Variants in ZNF333 observed in about 807,000 individuals in gnomAD.
The protein encoded by ZNF333 is zinc finger protein 333.
Under a neutral mutation model 76.1 loss-of-function variants are expected in ZNF333, and 61 were observed. The ratio of observed to expected loss-of-function variants is 0.80; its 90% CI spans 0.65 to 0.99. The LOEUF (loss-of-function observed/expected upper bound fraction) is 0.99. Ranked by LOEUF, ZNF333 falls within the 50% of genes least tolerant of loss-of-function variation. The pLI is 0.00. For missense variants in ZNF333, 717 were observed against 822.4 expected (o/e 0.87, Z 1.57); for synonymous variants, 284 against 305.0 (o/e 0.93, Z 0.72).
chr19:14,695,461 GA>G, intron 3 of ZNF333, 104 bp from the exon 4 acceptor site: 1 of 1,110,064 alleles, frequency 9.0e-7, no homozygotes, highest in Non-Finnish European at 1.3e-6. Flanking sequence ...CAGAGAATCT[GA>G]AGCCCATATT....
intron 4 of ZNF333, among the ~76,000 whole-genome samples, chr19:14,697,485 T>C (rs1973302664): frequency 6.6e-6 from 1 of 151,450 alleles, no homozygotes; most frequent in Admixed American, 6.6e-5. Flanking sequence ...CCTCAGTCTC[T>C]TGAATAGCTG....
rs1292391383 is a variant in ZNF333 at position 14,708,375 on chromosome 19, A to G, written c.511+1602A>G. ...CCGATGGTGAGATGGGGACCAGGAA[A>G]CAGTCACAAAGAAAACACCGACCCC... On this transcript the variant is annotated intron_variant, in intron 7 of 11. Transcript: ENST00000292530. 4 of 401,126 alleles carry G rather than the reference A, an allele frequency of 1.0e-5. No homozygotes were observed. In the East Asian group the frequency reaches 1.1e-4, roughly 11 times the overall value. 24.8% of individuals were successfully genotyped at this position (401,126 alleles called of 1,614,324 possible).
At chr19:14,726,935 T>C (rs1197095419) in intron 11 of ZNF333, among the ~76,000 whole-genome samples, 1 of 152,136 alleles carries the variant, frequency 6.6e-6, no homozygotes, top group Non-Finnish European at 1.5e-5. Flanking sequence ...TAAAGCTGCT[T>C]TCACATTTTC....
intron 8 of ZNF333, among the ~76,000 whole-genome samples, chr19:14,715,675 G>A (rs1381838284): frequency 6.6e-6 from 1 of 152,170 alleles, no homozygotes; most frequent in Non-Finnish European, 1.5e-5. Context: ...TGAGCACCAG[G>A]AGGGAAAACA....
In ZNF333 at chr19:14,719,317, G is replaced by A. The variant is rs1323104458; in HGVS notation, c.1990G>A (p.Ala664Thr). 1.3e-6 allele frequency: 2 copies of A among 1,596,472 alleles called. No individual in the cohort carries two copies. Among genetic ancestry groups the A allele is most frequent in the East Asian group, 2.2e-5 (1 of 44,722 alleles). The part of the protein sequence containing the change: ...SMSHPYCGPL[A>T]N ...GTCTCATCCATACTGTGGGCCCCTT[G>A]CTAATTAACTTCCATTTTGTAAAAA... The change falls in exon 12 of 12, where the codon GCT becomes ACT. Residue 664 changes from alanine (A) to threonine (T), a missense_variant. By Grantham distance (58) the Ala-to-Thr change is moderately conservative. Coordinates refer to ENST00000292530, the MANE Select transcript of ZNF333 (RefSeq NM_032433.4).
chr19:14,717,448 C>G (rs2042466668), intron 10 of ZNF333: 1 of 564,608 alleles, frequency 1.8e-6, no homozygotes, highest in Non-Finnish European at 3.1e-6. Context: ...TCCCATGTTC[C>G]TCTGATTACA....
intron 6 of ZNF333, among the ~76,000 whole-genome samples, chr19:14,705,829 G>C (rs1205164256): frequency 6.6e-6 from 1 of 152,148 alleles, no homozygotes; most frequent in African/African-American, 2.4e-5. Flanking sequence ...TGATAATTGA[G>C]GTGGAACAGT....
downstream of ZNF333, among the ~76,000 whole-genome samples, chr19:14,724,492 G>A (rs964460799): frequency 2.6e-5 from 4 of 152,296 alleles, no homozygotes; most frequent in East Asian, 1.9e-4. Flanking sequence ...TAAGCCGGGC[G>A]CAGTGGCTCA....
chr19:14,716,371 AC>A, intron 9 of ZNF333, 133 bp downstream of exon 9: 1 of 1,036,876 alleles, frequency 9.6e-7, no homozygotes, highest in Non-Finnish European at 1.4e-6. Context: ...TGATCCTCCC[AC>A]CCCAGCCTCC....
rs1216925820 is a variant in ZNF333 at position 14,721,216 on chromosome 19, T to C, written c.*1891T>C. ...GGCTATCAAAGTCATCTGGGTGGCA[T>C]GTGACAGGCCTGACTCTCTCTACAG... On this transcript the variant is annotated 3_prime_UTR_variant, in exon 12 of 12. Coordinates refer to ENST00000292530, the MANE Select transcript of ZNF333 (RefSeq NM_032433.4). 1 of 153,860 alleles carries C rather than the reference T, an allele frequency of 6.5e-6. No homozygotes were observed. Among genetic ancestry groups the C allele is most frequent in the African/African-American group, 2.4e-5 (1 of 41,158 alleles). 9.5% of individuals were successfully genotyped at this position (153,860 alleles called of 1,614,324 possible). A position where few individuals can be genotyped will look rare whatever the true frequency, so the allele number is the denominator to read the frequency against.
chr19:14,701,233 T>C (rs1256553743), intron 5 of ZNF333, among the ~76,000 whole-genome samples: 68 of 152,154 alleles, frequency 4.5e-4, no homozygotes. Flanking sequence ...ACATCCTTTT[T>C]TCTTTCTTTT....
Position 14,721,801 on chromosome 19 carries a change from G to A in ZNF333, c.*2476G>A, listed in dbSNP as rs1293775304. On this transcript the variant is annotated 3_prime_UTR_variant, in exon 12 of 12. Transcript: ENST00000292530. ...CATTTTCTTTATCCATTCATCCACC[G>A]ATGGACAGTTAGGTTGATTCCATAT... is the stretch of plus-strand genomic sequence containing the variant. The A allele has an allele frequency of 2.6e-5, 4 of 152,132 alleles. No individual in the cohort carries two copies. Among genetic ancestry groups the A allele is most frequent in the Admixed American group, 6.5e-5 (1 of 15,282 alleles). 9.4% of individuals were successfully genotyped at this position (152,132 alleles called of 1,614,324 possible).
At chr19:14,724,347 A>C (rs1380423954), downstream of ZNF333, among the ~76,000 whole-genome samples, 1 of 152,194 alleles carries the variant, frequency 6.6e-6, no homozygotes, top group African/African-American at 2.4e-5. Context: ...TCTCTTACTG[A>C]TTCACTTGGG....
At chr19:14,699,128 G>T in intron 4 of ZNF333, 71 bp from the exon 5 acceptor site, 6 of 1,158,142 alleles carry the variant, frequency 5.2e-6, no homozygotes, top group South Asian at 1.2e-5. Context: ...ATATATATGT[G>T]AATATATATT....
intron 10 of ZNF333, 139 bp from the exon 11 acceptor site, chr19:14,717,518 T>G: frequency 1.5e-6 from 1 of 676,894 alleles, no homozygotes; most frequent in East Asian, 2.7e-5. Flanking sequence ...GCATTCCTTC[T>G]CATTGCAATT....
intron 3 of ZNF333, 85 bp downstream of exon 3, chr19:14,695,218 GC>G: frequency 6.6e-7 from 1 of 1,522,434 alleles, no homozygotes. Context: ...GACAGACGTG[GC>G]TTAGGCTTTG....
chr19:14,726,161 C>T (rs933746579), downstream of ZNF333, among the ~76,000 whole-genome samples: 1 of 152,202 alleles, frequency 6.6e-6, no homozygotes, highest in Admixed American at 6.5e-5. Context: ...AGAGCTGCAA[C>T]CCAAGCTATA....
At position 14,715,507 on chromosome 19, in the gene ZNF333, G is replaced by T. The variant is rs773666546; in HGVS notation, c.600+37G>T. ...CTTCTTGTTCTAAAAGAACACTGCT[G>T]TGCCCAAAGGCTGGACTTACCTTCT... On this transcript the variant is annotated intron_variant, in intron 8 of 11. Coordinates refer to ENST00000292530, the MANE Select transcript of ZNF333 (RefSeq NM_032433.4). 7 of 1,588,562 alleles carry T rather than the reference G, an allele frequency of 4.4e-6. No individual in the cohort carries two copies. In the Admixed American group the frequency reaches 6.7e-5, roughly 15 times the overall value.
chr19:14,716,188 G>T lies in ZNF333; in HGVS notation c.677G>T (p.Ser226Ile). The T allele has an allele frequency of 1.2e-6, 2 of 1,614,166 alleles. No individual in the cohort carries two copies. The highest frequency in any genetic ancestry group is 8.5e-7 in the Non-Finnish European group (1 of 1,180,020). Reference protein sequence around the residue: ...EWVFLDSTQRSLYRDVMLENY... With the variant: ...EWVFLDSTQRILYRDVMLENY... Reference sequence around the variant, plus strand: ...GTGTTTCTGGACTCTACTCAGAGGAGCCTGTATAGAGATGTGATGCTGGAG... The same window carrying T: ...GTGTTTCTGGACTCTACTCAGAGGATCCTGTATAGAGATGTGATGCTGGAG... Residue 226 changes from serine (S) to isoleucine (I), a missense_variant, in exon 9 of 12, where the codon AGC (serine) becomes ATC (isoleucine). Ser to Ile is a moderately radical substitution (Grantham distance 142). Transcript: ENST00000292530.
Sources: gnomAD v4.1 joint callset for allele counts (sites outside exome capture counted in the v4.1 genomes callset) on GRCh38, gnomAD v4.1.1 for gene constraint, MANE v1.5 for transcripts, NCBI Gene and HGNC (gene_info 2026-07-23, HGNC 2026-07-21) for gene names.